Variants in TAS2R1 observed in about 807,000 individuals in gnomAD.
The protein encoded by TAS2R1 is taste receptor type 2 member 1.
For missense variants in TAS2R1, 370 were observed against 353.4 expected, an observed-to-expected ratio of 1.05 and a Z score of -0.38; for synonymous variants, 141 against 134.2, an observed-to-expected ratio of 1.05 and a Z score of -0.35.
chr5:9,650,931 T>A (rs1740292632), intron 2 of TAS2R1, among the ~76,000 whole-genome samples: 1 of 152,326 alleles, frequency 6.6e-6, no homozygotes, highest in South Asian at 2.1e-4. Flanking sequence ...TATAATTAAA[T>A]GTTTAAAATA....
chr5:9,715,419 G>T (rs1006177688), upstream of TAS2R1, among the ~76,000 whole-genome samples: 1 of 152,208 alleles, frequency 6.6e-6, no homozygotes, highest in Non-Finnish European at 1.5e-5. Flanking sequence ...GGAGGCTGTG[G>T]GTATGAGGCC....
the TAS2R1 span, among the ~76,000 whole-genome samples, chr5:9,818,155 G>A: frequency 1.3e-5 from 2 of 152,156 alleles, no homozygotes; most frequent in African/African-American, 4.8e-5. Flanking sequence ...AATCAGCAGA[G>A]GCTGTCACGT....
At chr5:9,901,897 A>C in the TAS2R1 span, among the ~76,000 whole-genome samples, 1 of 152,104 alleles carries the variant, frequency 6.6e-6, no homozygotes, top group Admixed American at 6.6e-5. Context: ...AACCATGAAT[A>C]GCTGCTTCAG....
Position 9,708,152 on chromosome 5 carries a change from G to A in TAS2R1, c.-242+4020C>T, listed in dbSNP as rs189870744. 4.6e-5 allele frequency among the ~76,000 whole-genome samples: 7 copies of A among 152,292 alleles called. 1 individual carries two copies. Among genetic ancestry groups the A allele is most frequent in the East Asian group, 3.9e-4 (2 of 5,180 alleles). On this transcript the variant is annotated intron_variant, in intron 1 of 2. Coordinates refer to the TAS2R1 transcript ENST00000506620. ...CCAAAGAGGAAAAAAAGAAGGGCCC[G>A]TAGAATATTCTTCAAATGAAATTAA... is the stretch of plus-strand genomic sequence containing the variant.
At chr5:9,791,239 G>C in the TAS2R1 span, among the ~76,000 whole-genome samples, 1 of 152,158 alleles carries the variant, frequency 6.6e-6, no homozygotes, top group African/African-American at 2.4e-5. Context: ...ATGATGAGAT[G>C]ACTCTGCTCA....
chr5:9,882,160 A>G, the TAS2R1 span, among the ~76,000 whole-genome samples: 4 of 152,222 alleles, frequency 2.6e-5, no homozygotes, highest in African/African-American at 7.2e-5. Context: ...ATTTACAAGA[A>G]AAAGACAACC....
chr5:9,862,246 T>G, the TAS2R1 span, among the ~76,000 whole-genome samples: 2 of 152,120 alleles, frequency 1.3e-5, no homozygotes, highest in African/African-American at 2.4e-5. Flanking sequence ...CATTGCCTCA[T>G]AGTCAGTGCA....
the TAS2R1 span, among the ~76,000 whole-genome samples, chr5:9,832,878 C>A: frequency 9.2e-5 from 14 of 152,198 alleles, no homozygotes; most frequent in African/African-American, 3.1e-4. Context: ...AGTGACACAG[C>A]CTCAGGAGGT....
At position 9,628,708 on chromosome 5, in the gene TAS2R1, C is replaced by T. The variant is rs1437749031; in HGVS notation, c.*425G>A. On this transcript the variant is annotated 3_prime_UTR_variant, in exon 1 of 1. Coordinates refer to ENST00000382492, the MANE Select transcript of TAS2R1 (RefSeq NM_019599.3). ...CATCAAAGACAAGGCGTCAGATATT[C>T]ATGGACCATACAGCATTCATGTGTC... is the stretch of plus-strand genomic sequence containing the variant. 3.3e-5 allele frequency among the ~76,000 whole-genome samples: 5 copies of T among 152,236 alleles called. No homozygotes were observed. Among genetic ancestry groups the T allele is most frequent in the Admixed American group, 3.3e-4 (5 of 15,282 alleles).
At chr5:9,725,860 C>T in the TAS2R1 span, among the ~76,000 whole-genome samples, 1 of 142,182 alleles carries the variant, frequency 7.0e-6, no homozygotes, top group African/African-American at 3.1e-5. Context: ...AATCAGCAGC[C>T]TGTGTCTAGC....
the TAS2R1 span, among the ~76,000 whole-genome samples, chr5:9,862,187 G>A: frequency 4.8e-5 from 6 of 125,484 alleles, no homozygotes; most frequent in Non-Finnish European, 8.5e-5. Context: ...CTAAAATCAA[G>A]CAACGTTAAG....
chr5:9,716,683 T>G (rs999920477), upstream of TAS2R1, among the ~76,000 whole-genome samples: 1 of 152,142 alleles, frequency 6.6e-6, no homozygotes, highest in African/African-American at 2.4e-5. Context: ...GGGTACAGAA[T>G]TCCTCATAAG....
intron 1 of TAS2R1, among the ~76,000 whole-genome samples, chr5:9,663,363 T>G (rs1386702885): frequency 1.3e-5 from 2 of 152,196 alleles, no homozygotes; most frequent in Non-Finnish European, 2.9e-5. Context: ...TCTTAATGTT[T>G]TCTTATATTT....
chr5:9,835,570 C>T, the TAS2R1 span, among the ~76,000 whole-genome samples: 10 of 152,342 alleles, frequency 6.6e-5, no homozygotes, highest in South Asian at 2.1e-3. Context: ...TACTTCCCAG[C>T]AGGATGCTGA....
chr5:9,876,686 C>T, the TAS2R1 span, among the ~76,000 whole-genome samples: 222 of 152,226 alleles, frequency 1.5e-3, 1 homozygote, highest in African/African-American at 5.1e-3. Context: ...AAGAGCTAAC[C>T]TAAAAATGCA....
intron 1 of TAS2R1, among the ~76,000 whole-genome samples, chr5:9,661,899 C>T (rs999230900): frequency 6.6e-6 from 1 of 152,226 alleles, no homozygotes; most frequent in African/African-American, 2.4e-5. Context: ...GTGCCTGAAA[C>T]AGCTCAGGTT....
Position 9,703,009 on chromosome 5 carries a change from T to C in TAS2R1, c.-242+9163A>G, listed in dbSNP as rs537196662. On this transcript the variant is annotated intron_variant, in intron 1 of 2. Coordinates refer to the TAS2R1 transcript ENST00000506620. ...AACAATACCTCTTTAACTTCACACC[T>C]TAAAGAAAAAACAAAGCTAGATTCC... Among the ~76,000 whole-genome samples, 5 of 152,316 alleles carry C rather than the reference T, an allele frequency of 3.3e-5. No individual in the cohort carries two copies. The East Asian group carries it at 5.8e-4, about 18-fold the overall frequency.
chr5:9,756,978 C>T, the TAS2R1 span, among the ~76,000 whole-genome samples: 2 of 152,184 alleles, frequency 1.3e-5, no homozygotes, highest in Middle Eastern at 3.4e-3. Flanking sequence ...ATAATAAAGT[C>T]AAAATAAAGC....
chr5:9,782,031 G>A, the TAS2R1 span, among the ~76,000 whole-genome samples: 3 of 152,148 alleles, frequency 2.0e-5, no homozygotes, highest in Admixed American at 6.5e-5. Context: ...TGGCTCAAGC[G>A]GGTCCTCAAT....
Sources: allele counts gnomAD v4.1 joint callset (sites outside exome capture counted in the v4.1 genomes callset), GRCh38; gene constraint gnomAD v4.1.1; transcripts MANE v1.5; gene names NCBI Gene and HGNC (gene_info 2026-07-23, HGNC 2026-07-21).